The following GZMM variants were observed in gnomAD, a reference collection of about 807,000 sequenced individuals.
The protein encoded by GZMM is granzyme M, also known as HU-Met-1.
A neutral mutation model predicts 19.2 loss-of-function variants in GZMM; 23 were observed. The observed-to-expected ratio is 1.20, with a 90% CI of 0.86 to 1.69. The LOEUF (loss-of-function observed/expected upper bound fraction) is 1.69, where lower values mean the gene tolerates loss of function less well. Among genes scored for constraint, GZMM ranks in the 40% most tolerant of loss-of-function variants. The pLI is 0.00. For synonymous variants in GZMM, 178 were observed against 160.2 expected (o/e 1.11, Z -0.84); for missense variants, 373 against 352.2 (o/e 1.06, Z -0.47).
chr19:548,758 CG>C, intron 3 of GZMM, 81 bp downstream of exon 3: 2 of 1,212,542 alleles, frequency 1.6e-6, no homozygotes, highest in Non-Finnish European at 2.3e-6. Context: ...GCCCTCCCCC[CG>C]CTGCCGACCC....
chr19:548,327 G>T (rs1026204945), intron 2 of GZMM, among the ~76,000 whole-genome samples: 2 of 152,138 alleles, frequency 1.3e-5, no homozygotes, highest in African/African-American at 4.8e-5. Flanking sequence ...GGCCAGGGCC[G>T]GGCAGAAGTC....
intron 2 of GZMM, 56 bp downstream of exon 2, chr19:547,492 C>T: frequency 8.0e-7 from 1 of 1,251,418 alleles, no homozygotes; most frequent in Non-Finnish European, 1.0e-6. Flanking sequence ...CGACGGCGCC[C>T]ATTCTCTGCA....
Position 549,856 on chromosome 19 carries a change from GGGGTGGGTGAGGAC to G in GZMM, c.*73_*86del. The G allele has an allele frequency of 2.5e-6, 3 of 1,187,504 alleles. No homozygotes were observed. The highest frequency in any genetic ancestry group is 3.7e-6 in the Non-Finnish European group (3 of 818,078). The allele number at this position is 1,187,504 out of a possible 1,614,324, so 73.6% of individuals were successfully genotyped here. On this transcript the variant is annotated 3_prime_UTR_variant, in exon 5 of 5. Coordinates refer to ENST00000264553, the MANE Select transcript of GZMM (RefSeq NM_005317.4). ...GACCCTTCCCCTCCAGGGGTGCAGT[GGGGTGGGTGAGGAC>G]GGGTGGGAGGGACAGGGAGGGACCA... is the stretch of plus-strand genomic sequence containing the variant.
chr19:545,369 T>C (rs1258538145), intron 1 of GZMM, among the ~76,000 whole-genome samples: 3 of 152,254 alleles, frequency 2.0e-5, no homozygotes, highest in Admixed American at 6.5e-5. Context: ...CAGGCACAGC[T>C]AGACTTGCAC....
rs556484742 is a variant in GZMM, at chr19:547,306, G to C, written c.82G>C (p.Gly28Arg). 1 of 1,554,694 alleles carries C rather than the reference G, an allele frequency of 6.4e-7. No homozygotes were observed. Residue 28 changes from glycine (G) to arginine (R), a missense_variant, in exon 2 of 5, where the codon GGG becomes CGG. Coordinates refer to ENST00000264553, the MANE Select transcript of GZMM (RefSeq NM_005317.4). ...CAGCTCCTTTGGGACCCAGATCATC[G>C]GGGGCCGGGAGGTGATCCCCCACTC... ...VGSSFGTQII[G>R]GREVIPHSRP... is the part of the protein sequence containing the mutation.
chr19:544,932 C>A (rs535280997), intron 1 of GZMM, among the ~76,000 whole-genome samples: 1 of 137,724 alleles, frequency 7.3e-6, no homozygotes. Context: ...TCCACCCACC[C>A]GTCCATCCAT....
At chr19:549,213 G>T in intron 4 of GZMM, 28 bp downstream of exon 4, 9 of 1,546,848 alleles carry the variant, frequency 5.8e-6, no homozygotes, top group Non-Finnish European at 7.9e-6. Flanking sequence ...GGGGCTGGGG[G>T]AATGAGGCTG....
chr19:547,544 C>T lies in GZMM; in HGVS notation c.212+108C>T, dbSNP rs185429686. The T allele has an allele frequency of 1.8e-4, 155 of 860,572 alleles. No homozygotes were observed. The Admixed American group carries it at 4.0e-3, about 22-fold the overall frequency. The allele number at this position is 860,572 out of a possible 1,614,324, so 53.3% of individuals were successfully genotyped here. On this transcript the variant is annotated intron_variant, in intron 2 of 4. Coordinates refer to ENST00000264553, the MANE Select transcript of GZMM (RefSeq NM_005317.4). ...AGATTTAGGCCCATTGTGGGACCCC[C>T]GTCCCCTCCCGGTGACGACTTAGGC...
intron 1 of GZMM, among the ~76,000 whole-genome samples, chr19:546,306 A>G (rs1050037870): frequency 3.9e-5 from 6 of 152,178 alleles, no homozygotes; most frequent in Non-Finnish European, 4.4e-5. Context: ...TGGGAGGCCA[A>G]GGAGGGTGGA....
chr19:546,079 C>T (rs1234399996), intron 1 of GZMM, among the ~76,000 whole-genome samples: 3 of 152,130 alleles, frequency 2.0e-5, no homozygotes, highest in Non-Finnish European at 4.4e-5. Flanking sequence ...TGCACCGGCC[C>T]GCAAGCGGGG....
chr19:549,646 C>A lies in GZMM; in HGVS notation c.629C>A (p.Pro210His). Reference sequence around the variant, plus strand: ...TCCCTGCAGGGTGACTCGGGCGGGCCCCTGGTGTGTGGCAAAGGCCGGGTG... The same window carrying A: ...TCCCTGCAGGGTGACTCGGGCGGGCACCTGGTGTGTGGCAAAGGCCGGGTG... The part of the protein sequence containing the change: ...QAPCKGDSGG[P>H]LVCGKGRVLA... Residue 210 changes from proline (P) to histidine (H), a missense_variant, in exon 5 of 5, where the codon CCC (proline) becomes CAC (histidine). Pro to His is a moderately conservative substitution (Grantham distance 77). Transcript: ENST00000264553. 1 of 1,612,936 alleles carries A rather than the reference C, an allele frequency of 6.2e-7. No homozygotes were observed. Among genetic ancestry groups the A allele is most frequent in the African/African-American group, 1.3e-5 (1 of 75,058 alleles).
At chr19:544,387 C>G (rs577187456) in intron 1 of GZMM, among the ~76,000 whole-genome samples, 1 of 152,056 alleles carries the variant, frequency 6.6e-6, no homozygotes, top group African/African-American at 2.4e-5. Flanking sequence ...GCAGGGGTCA[C>G]GCTCACACCC....
Position 546,487 on chromosome 19 carries a change from G to A in GZMM, c.56-793G>A, listed in dbSNP as rs564896489. Among the ~76,000 whole-genome samples the A allele has an allele frequency of 3.4e-5, 5 of 148,702 alleles. No individual in the cohort carries two copies. In the East Asian group the frequency reaches 6.0e-4, roughly 18 times the overall value. ...ACCCAGGAGGCAGAGGTTGCAGTGA[G>A]CTGAGATCACGGCACTGCATTCCAG... On this transcript the variant is annotated intron_variant, in intron 1 of 4. Transcript: ENST00000264553.
chr19:549,865 G>GC lies in GZMM; in HGVS notation c.*74_*75insC. 1 of 530,998 alleles carries GC rather than the reference G, an allele frequency of 1.9e-6. No individual in the cohort carries two copies. The highest frequency in any genetic ancestry group is 3.5e-6 in the Non-Finnish European group (1 of 284,200). The allele number at this position is 530,998 out of a possible 1,614,324, so 32.9% of individuals were successfully genotyped here. A position where few individuals can be genotyped will look rare whatever the true frequency, so the allele number is the denominator to read the frequency against. ...CCTCCAGGGGTGCAGTGGGGTGGGT[G>GC]AGGACGGGTGGGAGGGACAGGGAGG... On this transcript the variant is annotated 3_prime_UTR_variant, in exon 5 of 5. Coordinates refer to ENST00000264553, the MANE Select transcript of GZMM (RefSeq NM_005317.4).
intron 2 of GZMM, 23 bp downstream of exon 2, chr19:547,459 C>G: frequency 4.4e-6 from 6 of 1,363,016 alleles, no homozygotes; most frequent in Non-Finnish European, 5.7e-6. Flanking sequence ...CCCTGCCCAC[C>G]CCAGGGGTCC....
Position 548,775 on chromosome 19 carries a change from C to G in GZMM, c.348+98C>G, listed in dbSNP as rs541579834. The stretch of plus-strand genomic sequence containing the variant: ...CCTCCCCCCGCTGCCGACCCTCCCC[C>G]CGCACTGCTGCCCCTCCCCCCGCAC... On this transcript the variant is annotated intron_variant, in intron 3 of 4. Coordinates refer to ENST00000264553, the MANE Select transcript of GZMM (RefSeq NM_005317.4). 6.8e-6 allele frequency: 6 copies of G among 877,314 alleles called. No homozygotes were observed. The Admixed American group carries it at 1.4e-4, about 20-fold the overall frequency. The allele number at this position is 877,314 out of a possible 1,614,324, so 54.3% of individuals were successfully genotyped here. A position where few individuals can be genotyped will look rare whatever the true frequency, so the allele number is the denominator to read the frequency against.
Position 549,757 on chromosome 19 carries a change from C to T in GZMM, c.740C>T (p.Ser247Phe). The T allele has an allele frequency of 1.2e-6, 2 of 1,613,520 alleles. No homozygotes were observed. Among genetic ancestry groups the T allele is most frequent in the Non-Finnish European group, 1.7e-6 (2 of 1,179,906 alleles). The change falls in exon 5 of 5, where the codon TCC becomes TTC. Residue 247 changes from serine to phenylalanine, a missense_variant. Transcript: ENST00000264553. Reference sequence around the variant, plus strand: ...GCCACCGCTGTGGCGCCTTACGTGTCCTGGATCAGGAAGGTCACCGGCCGA... The same window carrying T: ...GCCACCGCTGTGGCGCCTTACGTGTTCTGGATCAGGAAGGTCACCGGCCGA... ...PVATAVAPYV[S>F]WIRKVTGRSA is the part of the protein sequence containing the mutation.
chr19:548,599 C>T lies in GZMM; in HGVS notation c.270C>T (p.Thr90=). The change falls in exon 3 of 5, where the codon ACC becomes ACT. Residue 90 remains threonine, a synonymous_variant. Transcript: ENST00000264553. ...GLHTLDSPGL[T]FHIKAAIQHP... is the part of the protein sequence containing the mutation. ...ACACCCTGGACAGCCCCGGTCTCACCTTCCACATCAAGGCAGCCATCCAGC... is the reference window on the plus strand; with the variant it reads ...ACACCCTGGACAGCCCCGGTCTCACTTTCCACATCAAGGCAGCCATCCAGC... 2.5e-6 allele frequency: 4 copies of T among 1,613,580 alleles called. No homozygotes were observed. The highest frequency in any genetic ancestry group is 3.4e-6 in the Non-Finnish European group (4 of 1,179,702).
chr19:546,698 C>T (rs1312759406), intron 1 of GZMM, among the ~76,000 whole-genome samples: 7 of 151,366 alleles, frequency 4.6e-5, no homozygotes, highest in East Asian at 3.9e-4. Context: ...ATTATCCAGG[C>T]GTGGTGGCAG....
Sources: gnomAD v4.1 joint callset for allele counts (sites outside exome capture counted in the v4.1 genomes callset) on GRCh38, gnomAD v4.1.1 for gene constraint, MANE v1.5 for transcripts, NCBI Gene and HGNC (gene_info 2026-07-23, HGNC 2026-07-21) for gene names.